Variants in MAP4K4 observed in about 807,000 individuals in gnomAD.
The protein encoded by MAP4K4 is HPK/GCK-like kinase HGK.
In MAP4K4, 38 loss-of-function variants were observed where a neutral mutation model predicts 189.6. That is an observed-to-expected ratio of 0.20 (90% CI 0.15 to 0.26). The LOEUF is 0.26. Among genes scored for constraint, MAP4K4 ranks in the 10% least tolerant of loss-of-function variants. MAP4K4 has a pLI of 1.00. For missense variants in MAP4K4, 1,054 were observed against 1,726.9 expected (o/e 0.61, Z 6.91); for synonymous variants, 610 against 624.3 (o/e 0.98, Z 0.34).
At chr2:101,850,835 T>C (rs1375242445) in intron 12 of MAP4K4, among the ~76,000 whole-genome samples, 1 of 152,200 alleles carries the variant, frequency 6.6e-6, no homozygotes, top group Non-Finnish European at 1.5e-5. Context: ...ATACGTGATT[T>C]ATTACCTAAA....
chr2:101,746,743 T>A (rs2065779016), intron 2 of MAP4K4, among the ~76,000 whole-genome samples: 1 of 152,220 alleles, frequency 6.6e-6, no homozygotes, highest in Non-Finnish European at 1.5e-5. Context: ...AAAAGATTTT[T>A]AGGCCAAATG....
chr2:101,786,013 A>G (rs1030780886), intron 2 of MAP4K4, among the ~76,000 whole-genome samples: 1 of 151,906 alleles, frequency 6.6e-6, no homozygotes, highest in Non-Finnish European at 1.5e-5. Context: ...TTTAGTAGAG[A>G]TGGGGTTTCA....
chr2:101,782,884 G>A (rs1197735126), intron 2 of MAP4K4, among the ~76,000 whole-genome samples: 1 of 152,184 alleles, frequency 6.6e-6, no homozygotes, highest in Non-Finnish European at 1.5e-5. Flanking sequence ...GAACACCTAT[G>A]AGTGAGGCCT....
chr2:101,791,130 C>T lies in MAP4K4; in HGVS notation c.180+354C>T, dbSNP rs115111786. 3.0e-3 allele frequency among the ~76,000 whole-genome samples: 464 copies of T among 152,172 alleles called. 3 individuals carry two copies. Among genetic ancestry groups the T allele is most frequent in the African/African-American group, 0.011 (447 of 41,492 alleles). ...ACATGAATAGGGAGATTGAGGGTTTCGAGTGGAGAAAAGCTTCTCTAGGGT... is the reference window on the plus strand; with the variant it reads ...ACATGAATAGGGAGATTGAGGGTTTTGAGTGGAGAAAAGCTTCTCTAGGGT... On this transcript the variant is annotated intron_variant, in intron 3 of 32. Coordinates refer to ENST00000324219, the Ensembl canonical transcript of MAP4K4.
chr2:101,868,306 T>A (rs2097877039), intron 21 of MAP4K4, among the ~76,000 whole-genome samples: 1 of 152,238 alleles, frequency 6.6e-6, no homozygotes, highest in African/African-American at 2.4e-5. Context: ...CCCATCACTG[T>A]TATTTCAGTG....
intron 2 of MAP4K4, among the ~76,000 whole-genome samples, chr2:101,716,921 T>TA (rs2048751147): frequency 1.3e-5 from 2 of 152,228 alleles, no homozygotes; most frequent in South Asian, 4.1e-4. Context: ...TCGAGTATTA[T>TA]AAAACATTCA....
chr2:101,867,235 C>T lies in MAP4K4; in HGVS notation c.2380C>T (p.Pro794Ser). Reference sequence around the variant, plus strand: ...AGCATCATCCAAGTCTGAAGGCTCTCCATCTCAGCGCCTGGAAAATGCAGT... The same window carrying T: ...AGCATCATCCAAGTCTGAAGGCTCTTCATCTCAGCGCCTGGAAAATGCAGT... Residue 794 changes from proline to serine, a missense_variant, in exon 20 of 33, where the codon CCA (proline) becomes TCA (serine). Pro to Ser is a moderately conservative substitution (Grantham distance 74). This residue lies in a region of MAP4K4 where 646 missense variants were observed against 796.2 expected (regional missense o/e 0.81). Transcript: ENST00000324219. 1 of 1,604,794 alleles carries T rather than the reference C, an allele frequency of 6.2e-7. No individual in the cohort carries two copies. The highest frequency in any genetic ancestry group is 8.5e-7 in the Non-Finnish European group (1 of 1,175,380).
intron 2 of MAP4K4, among the ~76,000 whole-genome samples, chr2:101,720,628 C>G (rs1042050138): frequency 8.5e-5 from 13 of 152,174 alleles, no homozygotes; most frequent in Non-Finnish European, 1.6e-4. Flanking sequence ...CTGGGTTTCT[C>G]TCATCTTACT....
intron 9 of MAP4K4, among the ~76,000 whole-genome samples, chr2:101,837,597 A>ACTACG: frequency 6.6e-6 from 1 of 152,264 alleles, no homozygotes; most frequent in South Asian, 2.1e-4. Context: ...GCCTAGGGAA[A>ACTACG]CCATCAGTGT....
chr2:101,812,903 G>A (rs1057259304), intron 3 of MAP4K4, among the ~76,000 whole-genome samples: 8 of 152,130 alleles, frequency 5.3e-5, no homozygotes, highest in African/African-American at 1.2e-4. Context: ...CGAGGTGGGC[G>A]GATCACGAAG....
intron 14 of MAP4K4, 143 bp from the exon 15 acceptor site, chr2:101,859,500 A>G (rs943046280): frequency 3.1e-6 from 2 of 642,668 alleles, no homozygotes; most frequent in South Asian, 2.0e-5. Context: ...GTAATGTGCT[A>G]TTTAAAATCC....
chr2:101,871,281 C>T (rs1486589006), intron 23 of MAP4K4, among the ~76,000 whole-genome samples: 1 of 152,162 alleles, frequency 6.6e-6, no homozygotes, highest in Admixed American at 6.5e-5. Flanking sequence ...CTGCTCGAGC[C>T]GTGCAGCCAC....
chr2:101,783,343 C>T (rs2088794505), intron 2 of MAP4K4, among the ~76,000 whole-genome samples: 1 of 151,876 alleles, frequency 6.6e-6, no homozygotes, highest in Admixed American at 6.6e-5. Context: ...CCTTCACACA[C>T]CAAACCCCCA....
chr2:101,821,362 A>G (rs7578539), intron 3 of MAP4K4, among the ~76,000 whole-genome samples: 9,594 of 152,198 alleles, frequency 0.063, 814 homozygotes, highest in African/African-American at 0.19. Context: ...GCTGTTGTCC[A>G]TCATCAGAGT....
chr2:101,737,251 C>A (rs2060593288), intron 2 of MAP4K4, among the ~76,000 whole-genome samples: 2 of 151,498 alleles, frequency 1.3e-5, no homozygotes, highest in South Asian at 4.2e-4. Context: ...AAAATGGGGC[C>A]AGAGCTGTGG....
exon 33 of MAP4K4, chr2:101,892,119 T>C (rs2150372366): frequency 6.5e-6 from 1 of 152,760 alleles, no homozygotes; most frequent in Non-Finnish European, 1.5e-5. Flanking sequence ...TAATTTTTGT[T>C]TAAACCTAGA....
At chr2:101,820,935 G>A (rs1237656891) in intron 3 of MAP4K4, among the ~76,000 whole-genome samples, 1 of 152,130 alleles carries the variant, frequency 6.6e-6, no homozygotes, top group Non-Finnish European at 1.5e-5. Flanking sequence ...TTTTATTTGG[G>A]GGCATGCTTC....
intron 11 of MAP4K4, 70 bp downstream of exon 11, chr2:101,842,751 C>T: frequency 8.8e-7 from 1 of 1,142,718 alleles, no homozygotes; most frequent in South Asian, 1.4e-5. Flanking sequence ...GCCAGGACTG[C>T]AGAAGACTCC....
intron 2 of MAP4K4, among the ~76,000 whole-genome samples, chr2:101,746,310 T>G (rs979759087): frequency 6.6e-6 from 1 of 151,150 alleles, no homozygotes; most frequent in African/African-American, 2.4e-5. Flanking sequence ...TTTTTTTTAA[T>G]GTAAGTATAT....
Sources: gnomAD v4.1 joint callset for allele counts (sites outside exome capture counted in the v4.1 genomes callset) on GRCh38, gnomAD v4.1.1 for gene constraint, gnomAD v4.1.1 regional missense constraint, MANE v1.5 for transcripts, NCBI Gene and HGNC (gene_info 2026-07-23, HGNC 2026-07-21) for gene names.